Variants in EIF4B observed in about 807,000 individuals in gnomAD.
The protein encoded by EIF4B is eukaryotic translation initiation factor 4B.
EIF4B carries 8 observed loss-of-function variants against 79.3 expected under a neutral mutation model. The observed-to-expected ratio is 0.10, with a 90% CI of 0.06 to 0.18. The LOEUF (loss-of-function observed/expected upper bound fraction) is 0.18. Among genes scored for constraint, EIF4B ranks in the 10% least tolerant of loss-of-function variants. EIF4B has a pLI of 1.00. For missense variants in EIF4B, 515 were observed against 792.4 expected (o/e 0.65, Z 4.20); for synonymous variants, 238 against 274.7 (o/e 0.87, Z 1.32).
At chr12:53,022,124 A>G in intron 5 of EIF4B, 1 of 644,568 alleles carries the variant, frequency 1.6e-6, no homozygotes, top group Non-Finnish European at 2.8e-6. Context: ...ACAAAGAATT[A>G]TGCAGCCCAA....
chr12:53,013,184 G>A (rs1037448102), intron 1 of EIF4B, among the ~76,000 whole-genome samples: 2 of 152,156 alleles, frequency 1.3e-5, no homozygotes, highest in East Asian at 1.9e-4. Flanking sequence ...TAGAAGATAC[G>A]TATATAGAAC....
chr12:53,018,887 C>T lies in EIF4B; in HGVS notation c.241C>T (p.Arg81Trp), dbSNP rs768730425. ...SILPTAPRAA[R>W]EPNIDRSRLP... is the part of the protein sequence containing the mutation. ...CCTTCCCACTGCTCCACGGGCTGCT[C>T]GGGAACCCAATATCGACCGGAGCCG... The change falls in exon 3 of 15, where the codon CGG becomes TGG. Residue 81 changes from arginine (R) to tryptophan (W), a missense_variant. By Grantham distance (101) the Arg-to-Trp change is moderately radical. Transcript: ENST00000262056. The T allele has an allele frequency of 5.0e-6, 8 of 1,613,738 alleles. No homozygotes were observed. In the East Asian group the frequency reaches 8.9e-5, roughly 18 times the overall value.
chr12:53,030,037 C>A (rs901149746), intron 8 of EIF4B, among the ~76,000 whole-genome samples: 11 of 138,250 alleles, frequency 8.0e-5, no homozygotes, highest in African/African-American at 2.5e-4. Context: ...GCCCTGGCAA[C>A]ATAGTGAGAC....
intron 3 of EIF4B, 144 bp downstream of exon 3, chr12:53,019,150 GCACTCTGGGAGT>G: frequency 9.6e-7 from 1 of 1,041,634 alleles, no homozygotes. Context: ...TGTAATCCCA[GCACTCTGGGAGT>G]CTGAGGCGGG....
At chr12:53,031,640 G>C (rs1167478509) in intron 8 of EIF4B, among the ~76,000 whole-genome samples, 1 of 152,178 alleles carries the variant, frequency 6.6e-6, no homozygotes, top group Non-Finnish European at 1.5e-5. Context: ...TCTTACAAAA[G>C]TGACGGGGCT....
At chr12:53,006,551 C>T (rs1942963657) in intron 1 of EIF4B, 55 bp downstream of exon 1, 5 of 1,612,440 alleles carry the variant, frequency 3.1e-6, no homozygotes, top group East Asian at 2.2e-5. Context: ...CCCCTCCGAG[C>T]GTGATCCACT....
rs1212662441 is a variant in EIF4B, at chr12:53,018,789, C to T, written c.152-9C>T. ...CTTCTAATTTCTTACATTCATTCCT[C>T]TATCCTAGTTTCGACCACTTGGCAC... On this transcript the variant is annotated splice_polypyrimidine_tract_variant and intron_variant, in intron 2 of 14. Transcript: ENST00000262056. The T allele has an allele frequency of 2.5e-6, 4 of 1,612,062 alleles. No individual in the cohort carries two copies. Among genetic ancestry groups the T allele is most frequent in the Non-Finnish European group, 3.4e-6 (4 of 1,179,750 alleles).
chr12:53,023,005 G>C (rs1357858878), intron 6 of EIF4B, among the ~76,000 whole-genome samples: 1 of 151,836 alleles, frequency 6.6e-6, no homozygotes, highest in African/African-American at 2.4e-5. Flanking sequence ...CTACCAAAAA[G>C]AAAAAGAAAA....
At chr12:53,037,259 TG>T in intron 10 of EIF4B, 149 bp from the exon 11 acceptor site, 1 of 820,792 alleles carries the variant, frequency 1.2e-6, no homozygotes, top group Non-Finnish European at 1.9e-6. Flanking sequence ...GACATTGTTC[TG>T]GAAATACTTG....
intron 2 of EIF4B, 46 bp downstream of exon 2, chr12:53,016,656 A>C (rs1351825494): frequency 6.5e-7 from 1 of 1,526,952 alleles, no homozygotes; most frequent in Non-Finnish European, 8.8e-7. Context: ...ATTATTTTCT[A>C]GACAAAACCT....
At chr12:53,035,983 A>G (rs1223074388) in intron 10 of EIF4B, among the ~76,000 whole-genome samples, 1 of 600 alleles carries the variant, frequency 1.7e-3, no homozygotes, top group Non-Finnish European at 3.6e-3. Flanking sequence ...ATGCCCGACT[A>G]ATTTTTTGAA....
rs144887164 is a variant in EIF4B at position 53,041,498 on chromosome 12, G to C, written c.*1275G>C. 3.2e-5 allele frequency: 1 copy of C among 31,242 alleles called. No homozygotes were observed. Among genetic ancestry groups the C allele is most frequent in the Non-Finnish European group, 1.2e-4 (1 of 8,424 alleles). 1.9% of individuals were successfully genotyped at this position (31,242 alleles called of 1,614,324 possible). A position where few individuals can be genotyped will look rare whatever the true frequency, so the allele number is the denominator to read the frequency against. On this transcript the variant is annotated 3_prime_UTR_variant, in exon 15 of 15. Coordinates refer to ENST00000262056, the MANE Select transcript of EIF4B (RefSeq NM_001417.7). ...CATGAGGTGGCCAGACCAATGTGTT[G>C]TTTTGTTGTTGTTTTTTTAAGCTTC...
intron 1 of EIF4B, among the ~76,000 whole-genome samples, chr12:53,006,792 G>C (rs1942968513): frequency 6.6e-6 from 1 of 151,998 alleles, no homozygotes; most frequent in Non-Finnish European, 1.5e-5. Flanking sequence ...AAGGTGTGCG[G>C]GTGGTGCGAG....
chr12:53,023,991 C>CATT (rs1221408303), intron 6 of EIF4B, among the ~76,000 whole-genome samples: 3 of 152,092 alleles, frequency 2.0e-5, no homozygotes, highest in Admixed American at 2.0e-4. Context: ...AAAATTGATT[C>CATT]ACTTAAATGC....
At chr12:53,038,221 T>C (rs1943570563) in intron 11 of EIF4B, 135 bp from the exon 12 acceptor site, 1 of 668,988 alleles carries the variant, frequency 1.5e-6, no homozygotes, top group Non-Finnish European at 2.4e-6. Flanking sequence ...CTTTCCCATA[T>C]TTTAATGTTC....
At chr12:53,019,827 A>G in intron 3 of EIF4B, 83 bp from the exon 4 acceptor site, 3 of 1,313,752 alleles carry the variant, frequency 2.3e-6, no homozygotes, top group Non-Finnish European at 2.2e-6. Flanking sequence ...ATGCACATAC[A>G]GTAATGCTTT....
At chr12:53,015,622 A>G (rs1943135863) in intron 1 of EIF4B, among the ~76,000 whole-genome samples, 1 of 151,840 alleles carries the variant, frequency 6.6e-6, no homozygotes, top group Admixed American at 6.6e-5. Context: ...TTGAGGCTTC[A>G]GATAGCCGTG....
intron 8 of EIF4B, among the ~76,000 whole-genome samples, chr12:53,031,903 T>G (rs1592225635): frequency 1.3e-5 from 2 of 152,358 alleles, no homozygotes; most frequent in East Asian, 3.9e-4. Flanking sequence ...GCCAGGTGAT[T>G]GTATACATAG....
intron 1 of EIF4B, among the ~76,000 whole-genome samples, chr12:53,015,978 CAA>C (rs11315385): frequency 1.9e-3 from 235 of 124,356 alleles, no homozygotes; most frequent in Middle Eastern, 4.0e-3. Flanking sequence ...GACTCTGTCT[CAA>C]AAAAAAAAAA....
Sources: gnomAD v4.1 joint callset for allele counts (sites outside exome capture counted in the v4.1 genomes callset) on GRCh38, gnomAD v4.1.1 for gene constraint, MANE v1.5 for transcripts, NCBI Gene and HGNC (gene_info 2026-07-23, HGNC 2026-07-21) for gene names.